The following PIN1 variants were observed in gnomAD, a reference collection of about 807,000 sequenced individuals.
The protein encoded by PIN1 is peptidylprolyl cis/trans isomerase, NIMA-interacting 1.
In PIN1, 8 loss-of-function variants were observed where a neutral mutation model predicts 19.9. The observed-to-expected ratio is 0.40, with a 90% confidence interval of 0.24 to 0.72. PIN1 has a LOEUF of 0.72. PIN1 is among the 30% of genes least tolerant of loss of function. The pLI is 0.37. For synonymous variants in PIN1, 86 were observed against 90.8 expected (o/e 0.95, Z 0.30); for missense variants, 185 against 226.5 (o/e 0.82, Z 1.18).
rs1005631145 is a variant in PIN1, at chr19:9,846,157, G to A, written c.272-1873G>A. Among the ~76,000 whole-genome samples, 1 of 152,204 alleles carries A rather than the reference G, an allele frequency of 6.6e-6. No homozygotes were observed. Among genetic ancestry groups the A allele is most frequent in the South Asian group, 2.1e-4 (1 of 4,836 alleles). ...AGGACCCCGTGGCAGCCCTGGAAGC[G>A]GGGCATTCTGATCAAACCAGGGCAT... On this transcript the variant is annotated intron_variant, in intron 2 of 3. Coordinates refer to ENST00000247970, the MANE Select transcript of PIN1 (RefSeq NM_006221.4). The surrounding 1 kb of genome is among the most constrained non-coding windows in gnomAD (Gnocchi z 5.9).
At chr19:9,849,068 C>T in intron 3 of PIN1, 22 bp from the exon 4 acceptor site, 1 of 1,557,528 alleles carries the variant, frequency 6.4e-7, no homozygotes, top group Non-Finnish European at 8.8e-7. Context: ...CTGACACCCC[C>T]ACCGCCCCTC....
intron 2 of PIN1, among the ~76,000 whole-genome samples, chr19:9,839,234 G>A (rs2046141558): frequency 1.3e-5 from 2 of 152,022 alleles, no homozygotes; most frequent in Admixed American, 6.6e-5. Flanking sequence ...AGGAGTTCAA[G>A]ATTAGCCTGG....
chr19:9,842,951 A>G (rs1310566156), intron 2 of PIN1, among the ~76,000 whole-genome samples: 1 of 152,212 alleles, frequency 6.6e-6, no homozygotes, highest in African/African-American at 2.4e-5. Context: ...CTGCCTGCAG[A>G]GAGAGCCGGG....
chr19:9,849,224 C>G lies in PIN1; in HGVS notation c.*25C>G. On this transcript the variant is annotated 3_prime_UTR_variant, in exon 4 of 4. Transcript: ENST00000247970. ...AGGGTGGGGAGCCCAGGCCTGGCCT[C>G]GGGGCAGGGCAGGGCGGCTAGGCCG... 1 of 1,529,010 alleles carries G rather than the reference C, an allele frequency of 6.5e-7. No homozygotes were observed. The highest frequency in any genetic ancestry group is 2.3e-5 in the East Asian group (1 of 43,302). 94.7% of individuals were successfully genotyped at this position (1,529,010 alleles called of 1,614,324 possible).
chr19:9,837,118 C>T, intron 1 of PIN1: 2 of 261,770 alleles, frequency 7.6e-6, no homozygotes, highest in South Asian at 7.4e-5. Context: ...CGTGTACCAC[C>T]CACCCATGGC....
chr19:9,841,085 G>A (rs574133406), intron 2 of PIN1, among the ~76,000 whole-genome samples: 2 of 152,200 alleles, frequency 1.3e-5, no homozygotes, highest in South Asian at 4.1e-4. Context: ...CCAGCACAGA[G>A]TGTACACTCG....
At chr19:9,839,787 G>C (rs2046146274) in intron 2 of PIN1, among the ~76,000 whole-genome samples, 1 of 152,146 alleles carries the variant, frequency 6.6e-6, no homozygotes, top group African/African-American at 2.4e-5. Flanking sequence ...GATCACTTGA[G>C]CCCAGGAGTT....
rs541024676 is a variant in PIN1, at chr19:9,843,460, T to G, written c.272-4570T>G. Among the ~76,000 whole-genome samples the G allele has an allele frequency of 1.9e-3, 285 of 152,392 alleles. 1 individual carries two copies. The highest frequency in any genetic ancestry group is 6.8e-3 in the Middle Eastern group (2 of 294). Reference sequence around the variant, plus strand: ...GAGACAGCACGTCTTGAAACATTTTTGGGGTCAAGGACTACCCCATTTGTT... The same window carrying G: ...GAGACAGCACGTCTTGAAACATTTTGGGGGTCAAGGACTACCCCATTTGTT... On this transcript the variant is annotated intron_variant, in intron 2 of 3. Coordinates refer to ENST00000247970, the MANE Select transcript of PIN1 (RefSeq NM_006221.4).
intron 2 of PIN1, among the ~76,000 whole-genome samples, chr19:9,842,866 C>G (rs959463045): frequency 1.3e-5 from 2 of 152,224 alleles, no homozygotes; most frequent in African/African-American, 2.4e-5. Flanking sequence ...AGCTCACTCC[C>G]CAGCTGGCAG....
At chr19:9,836,547 G>T (rs1482780951) in intron 1 of PIN1, 2 of 290,122 alleles carry the variant, frequency 6.9e-6, no homozygotes, top group Non-Finnish European at 7.0e-6. Context: ...TTTCTGCTCA[G>T]TTCAACCCTG....
intron 1 of PIN1, chr19:9,837,765 T>C: frequency 6.5e-6 from 1 of 153,882 alleles, no homozygotes; most frequent in Non-Finnish European, 1.4e-5. Context: ...CCCCAGTAGC[T>C]GGGATTACAG....
Position 9,838,449 on chromosome 19 carries a change from C to A in PIN1, c.72C>A (p.Tyr24Ter). Residue 24 changes from tyrosine (Y) to a stop codon, truncating the protein, a stop_gained, in exon 2 of 4, where the codon TAC becomes TAA. Coordinates refer to ENST00000247970, the MANE Select transcript of PIN1 (RefSeq NM_006221.4). LOFTEE classifies it high-confidence loss of function. This position sits in a 1 kb window ranked among gnomAD's most constrained non-coding sequence, Gnocchi z 5.8. The stretch of plus-strand genomic sequence containing the variant: ...CCTCCCCTCCAGGCCGAGTGTACTA[C>A]TTCAACCACATCACTAACGCCAGCC... ...RMSRSSGRVY[Y>*]FNHITNASQW... The A allele has an allele frequency of 6.2e-7, 1 of 1,605,908 alleles. No homozygotes were observed.
rs2046198592 is a variant in PIN1, at chr19:9,844,371, ACT to A, written c.272-3655_272-3654del. ...TCCAAGAGGTAAAGTCACCTGCCAG[ACT>A]CTCATTGTTCAGGAGCAGCAGAGGT... is the stretch of plus-strand genomic sequence containing the variant. On this transcript the variant is annotated intron_variant, in intron 2 of 3. Coordinates refer to ENST00000247970, the MANE Select transcript of PIN1 (RefSeq NM_006221.4). Among the ~76,000 whole-genome samples, 6 of 152,094 alleles carry A rather than the reference ACT, an allele frequency of 3.9e-5. No homozygotes were observed. The South Asian group carries it at 1.2e-3, about 31-fold the overall frequency.
intron 2 of PIN1, among the ~76,000 whole-genome samples, chr19:9,844,967 CTG>C (rs1491132089): frequency 1.3e-5 from 2 of 152,186 alleles, no homozygotes; most frequent in Non-Finnish European, 2.9e-5. Flanking sequence ...CATTCCTGCA[CTG>C]TGAGGCGGGC....
chr19:9,839,622 C>T (rs1372114633), intron 2 of PIN1, among the ~76,000 whole-genome samples: 1 of 152,172 alleles, frequency 6.6e-6, no homozygotes, highest in East Asian at 1.9e-4. Flanking sequence ...GGATAGCACT[C>T]ATAACTAATA....
At chr19:9,844,407 G>A (rs1039499299) in intron 2 of PIN1, among the ~76,000 whole-genome samples, 4 of 152,202 alleles carry the variant, frequency 2.6e-5, no homozygotes, top group African/African-American at 9.7e-5. Context: ...GTAGGATCTG[G>A]ACCTGATGGA....
intron 1 of PIN1, 200 bp downstream of exon 1, chr19:9,835,602 CT>C: frequency 2.0e-6 from 1 of 505,588 alleles, no homozygotes; most frequent in African/African-American, 2.0e-5. Flanking sequence ...CCTGAGGAAG[CT>C]GAGGCAGGGG....
intron 2 of PIN1, among the ~76,000 whole-genome samples, chr19:9,847,707 T>TGC (rs1327873610): frequency 7.4e-4 from 37 of 49,728 alleles, no homozygotes; most frequent in East Asian, 3.5e-3. Flanking sequence ...TGTGTGTGCA[T>TGC]GTGTGTGTGC....
At position 9,838,896 on chromosome 19, in the gene PIN1, A is replaced by G. The variant is rs1299796872; in HGVS notation, c.271+248A>G. Among the ~76,000 whole-genome samples, 1 of 152,128 alleles carries G rather than the reference A, an allele frequency of 6.6e-6. No homozygotes were observed. Among genetic ancestry groups the G allele is most frequent in the Non-Finnish European group, 1.5e-5 (1 of 68,014 alleles). On this transcript the variant is annotated intron_variant, in intron 2 of 3. Coordinates refer to ENST00000247970, the MANE Select transcript of PIN1 (RefSeq NM_006221.4). The surrounding 1 kb of genome is among the most constrained non-coding windows in gnomAD (Gnocchi z 5.8). ...CCTGGGGGCTGGCAGACATGGGTTCAGGTAGTAGCTGTGCCTCTGTGAACT... is the reference window on the plus strand; with the variant it reads ...CCTGGGGGCTGGCAGACATGGGTTCGGGTAGTAGCTGTGCCTCTGTGAACT...
Sources: gnomAD v4.1 joint callset for allele counts (sites outside exome capture counted in the v4.1 genomes callset) on GRCh38, gnomAD v4.1.1 for gene constraint, Gnocchi (gnomAD v3.1) non-coding constraint, MANE v1.5 for transcripts, NCBI Gene and HGNC (gene_info 2026-07-23, HGNC 2026-07-21) for gene names.